Variants in RBFOX2 observed in about 807,000 individuals in gnomAD.
RBFOX2 encodes the protein RNA binding fox-1 homolog 2.
In RBFOX2, 10 loss-of-function variants were observed where a neutral mutation model predicts 49.1. That is an observed-to-expected ratio of 0.20 (90% CI 0.13 to 0.35). RBFOX2 has a LOEUF of 0.35. Ranked by LOEUF, RBFOX2 falls within the 10% of genes least tolerant of loss-of-function variation. The pLI, the probability that RBFOX2 is intolerant of heterozygous loss-of-function variation, is 1.00. For missense variants in RBFOX2, 323 were observed against 486.9 expected (o/e 0.66, Z 3.17); for synonymous variants, 183 against 187.4 (o/e 0.98, Z 0.19).
intron 1 of RBFOX2, among the ~76,000 whole-genome samples, chr22:35,918,158 G>A (rs2050635050): frequency 1.3e-5 from 2 of 152,168 alleles, no homozygotes; most frequent in African/African-American, 4.8e-5. Context: ...AAGGGCCAGG[G>A]TATCAAGACA....
chr22:35,999,698 C>G (rs1449749642), intron 1 of RBFOX2: 2 of 151,942 alleles, frequency 1.3e-5, no homozygotes, highest in Admixed American at 1.3e-4. Flanking sequence ...AAAACATAAA[C>G]AGAAAGATAG....
At chr22:35,998,354 G>C (rs936764830) in intron 1 of RBFOX2, 1 of 151,986 alleles carries the variant, frequency 6.6e-6, no homozygotes, top group African/African-American at 2.4e-5. Flanking sequence ...ACCTCACATA[G>C]AGAACATCCA....
chr22:35,746,324 C>T (rs1043718559), intron 10 of RBFOX2, 149 bp downstream of exon 12: 3 of 712,404 alleles, frequency 4.2e-6, no homozygotes, highest in Non-Finnish European at 7.1e-6. Context: ...TGACAGAGGC[C>T]ATCAAGAGGT....
At chr22:35,746,669 G>A in intron 9 of RBFOX2, 108 bp from the exon 12 acceptor site, 2 of 517,458 alleles carry the variant, frequency 3.9e-6, no homozygotes, top group Non-Finnish European at 6.5e-6. Flanking sequence ...CACAGGGACT[G>A]ACACAAACAT....
rs549179870 is a variant in RBFOX2, at chr22:35,778,719, C to G, written c.400-641G>C. 7.9e-5 allele frequency among the ~76,000 whole-genome samples: 12 copies of G among 152,122 alleles called. No homozygotes were observed. The South Asian group carries it at 2.5e-3, about 32-fold the overall frequency. ...TGGCACGATCTTGGCTCTCTGTAAC[C>G]TCTGCCTCCTGGATTCAAGCTATTC... On this transcript the variant is annotated intron_variant, in intron 3 of 11. Coordinates refer to ENST00000405409, the Ensembl canonical transcript of RBFOX2.
chr22:35,783,506 T>C (rs1945670148), intron 2 of RBFOX2, among the ~76,000 whole-genome samples: 1 of 151,900 alleles, frequency 6.6e-6, no homozygotes, highest in South Asian at 2.1e-4. Context: ...ACCTACAACA[T>C]GAGGTCTACA....
At chr22:35,875,628 G>GTGT (rs1215542371) in intron 1 of RBFOX2, among the ~76,000 whole-genome samples, 2 of 144,376 alleles carry the variant, frequency 1.4e-5, no homozygotes, top group Non-Finnish European at 3.1e-5. Flanking sequence ...GTGTGTGTGT[G>GTGT]TGTGTGTGTG....
chr22:35,853,600 T>C (rs1447111672), intron 1 of RBFOX2, among the ~76,000 whole-genome samples: 1 of 152,102 alleles, frequency 6.6e-6, no homozygotes, highest in African/African-American at 2.4e-5. Context: ...ATGCCATATG[T>C]CCACACATTA....
chr22:35,781,173 A>AT (rs1945083230), intron 3 of RBFOX2, among the ~76,000 whole-genome samples: 1 of 152,156 alleles, frequency 6.6e-6, no homozygotes, highest in African/African-American at 2.4e-5. Flanking sequence ...AGGCATCAAT[A>AT]TTTTTTAAGC....
upstream of RBFOX2, among the ~76,000 whole-genome samples, chr22:35,843,501 T>C (rs141012507): frequency 3.7e-4 from 56 of 152,290 alleles, no homozygotes; most frequent in East Asian, 9.5e-3. Flanking sequence ...TACTACTCAA[T>C]TGAAATTTAC....
chr22:35,825,687 T>C (rs1405556435), intron 1 of RBFOX2, among the ~76,000 whole-genome samples: 1 of 152,054 alleles, frequency 6.6e-6, no homozygotes, highest in Non-Finnish European at 1.5e-5. Flanking sequence ...CCTACAAGAA[T>C]TAACTAAGAT....
At chr22:35,753,851 C>T (rs563213183) in intron 9 of RBFOX2, among the ~76,000 whole-genome samples, 44 of 134,424 alleles carry the variant, frequency 3.3e-4, no homozygotes, top group East Asian at 4.9e-4. Flanking sequence ...GGTGCAATCT[C>T]GGCTCACTGC....
At chr22:35,856,876 C>CA (rs1361768252) in intron 1 of RBFOX2, among the ~76,000 whole-genome samples, 3 of 151,846 alleles carry the variant, frequency 2.0e-5, no homozygotes, top group Admixed American at 1.3e-4. Flanking sequence ...TACTAAAATA[C>CA]AAAAAATTAG....
At chr22:36,003,098 A>G (rs1308908634) in intron 1 of RBFOX2, among the ~76,000 whole-genome samples, 1 of 152,238 alleles carries the variant, frequency 6.6e-6, no homozygotes, top group Admixed American at 6.5e-5. Flanking sequence ...TCTTCTGACC[A>G]GCTTATCAAC....
At chr22:35,753,635 A>C (rs967276878) in intron 9 of RBFOX2, among the ~76,000 whole-genome samples, 91 of 152,216 alleles carry the variant, frequency 6.0e-4, no homozygotes, top group African/African-American at 2.1e-3. Context: ...GATTAAAAAA[A>C]AAAAACCAAG....
intron 9 of RBFOX2, chr22:35,747,322 A>T (rs1341255315): frequency 6.6e-6 from 1 of 152,246 alleles, no homozygotes; most frequent in East Asian, 1.9e-4. Context: ...GCTGGATTCA[A>T]ATAGATCAGG....
chr22:35,844,345 CAAT>C (rs1245495156), upstream of RBFOX2, among the ~76,000 whole-genome samples: 1 of 152,172 alleles, frequency 6.6e-6, no homozygotes, highest in East Asian at 1.9e-4. Context: ...TGAAATCAAA[CAAT>C]AATGCCTTGA....
intron 1 of RBFOX2, among the ~76,000 whole-genome samples, chr22:35,811,228 G>A (rs992118749): frequency 2.0e-5 from 3 of 152,118 alleles, no homozygotes; most frequent in Non-Finnish European, 4.4e-5. Flanking sequence ...AGTGGGAAGG[G>A]GCAGAGTCAT....
At chr22:36,008,945 G>A (rs1031368429) in intron 1 of RBFOX2, among the ~76,000 whole-genome samples, 2 of 152,048 alleles carry the variant, frequency 1.3e-5, no homozygotes, top group African/African-American at 4.8e-5. Context: ...AGGAAAGAAG[G>A]AAGATTCCTT....
Sources: allele counts gnomAD v4.1 joint callset (sites outside exome capture counted in the v4.1 genomes callset), GRCh38; gene constraint gnomAD v4.1.1; transcripts MANE v1.5; gene names NCBI Gene and HGNC (gene_info 2026-07-23, HGNC 2026-07-21).